The following SEC14L5 variants were observed in gnomAD, a reference collection of about 807,000 sequenced individuals.
SEC14L5 encodes SEC14 like lipid binding 5.
Under a neutral mutation model 84.6 loss-of-function variants are expected in SEC14L5, and 96 were observed. The ratio of observed to expected loss-of-function variants is 1.13; its 90% CI spans 0.96 to 1.34. SEC14L5 has a LOEUF of 1.34. Ranked by LOEUF, SEC14L5 falls within the 40% of genes most tolerant of loss-of-function variation. The pLI, the probability that SEC14L5 is intolerant of heterozygous loss-of-function variation, is 0.00. For synonymous variants in SEC14L5, 546 were observed against 383.4 expected (o/e 1.42, Z -4.95); for missense variants, 1,224 against 942.5 (o/e 1.30, Z -3.91).
intron 2 of SEC14L5, among the ~76,000 whole-genome samples, chr16:4,959,801 A>C (rs1024123326): frequency 1.3e-5 from 2 of 152,158 alleles, no homozygotes; most frequent in Non-Finnish European, 2.9e-5. Flanking sequence ...AATTCCCGAT[A>C]GCTGTTATTT....
At chr16:5,010,459 T>C (rs1358267728) in intron 14 of SEC14L5, among the ~76,000 whole-genome samples, 1 of 152,156 alleles carries the variant, frequency 6.6e-6, no homozygotes, top group Non-Finnish European at 1.5e-5. Context: ...TCCAGGAGGC[T>C]GGCATTGCAG....
chr16:5,010,738 C>T (rs986466558), intron 14 of SEC14L5, among the ~76,000 whole-genome samples: 1 of 152,206 alleles, frequency 6.6e-6, no homozygotes, highest in Admixed American at 6.5e-5. Context: ...CCTGTGAGCT[C>T]CCGGCCCAAA....
At chr16:4,990,542 T>G (rs1465857231) in intron 4 of SEC14L5, among the ~76,000 whole-genome samples, 1 of 152,262 alleles carries the variant, frequency 6.6e-6, no homozygotes, top group Non-Finnish European at 1.5e-5. Context: ...GAGACCCACA[T>G]TCTCCCGGCT....
intron 2 of SEC14L5, among the ~76,000 whole-genome samples, chr16:4,982,048 C>G (rs996713618): frequency 2.0e-5 from 3 of 152,150 alleles, no homozygotes; most frequent in African/African-American, 4.8e-5. Context: ...GGAACGAGGC[C>G]TCCCTATTCC....
chr16:5,007,015 C>T (rs1010530802), intron 12 of SEC14L5, among the ~76,000 whole-genome samples: 1 of 152,104 alleles, frequency 6.6e-6, no homozygotes, highest in African/African-American at 2.4e-5. Context: ...GCCCCCCAGC[C>T]TGGCTGTCAG....
chr16:5,001,486 C>T (rs959069597), intron 10 of SEC14L5, among the ~76,000 whole-genome samples: 1 of 152,142 alleles, frequency 6.6e-6, no homozygotes, highest in African/African-American at 2.4e-5. Context: ...GTCTCGGTCT[C>T]CTGACCTCGT....
intron 8 of SEC14L5, among the ~76,000 whole-genome samples, chr16:4,997,885 C>T (rs1955628746): frequency 6.6e-6 from 1 of 152,012 alleles, no homozygotes; most frequent in Non-Finnish European, 1.5e-5. Flanking sequence ...TTTCTGTGTC[C>T]TCGCCTCTTC....
intron 14 of SEC14L5, chr16:5,010,857 C>T: frequency 2.0e-6 from 1 of 496,360 alleles, no homozygotes. Context: ...CCCCCACCCC[C>T]AGGCGTCAGC....
Position 4,997,062 on chromosome 16 carries a change from C to T in SEC14L5, c.970+18C>T, listed in dbSNP as rs778950541. 2 of 1,583,264 alleles carry T rather than the reference C, an allele frequency of 1.3e-6. No homozygotes were observed. The highest frequency in any genetic ancestry group is 1.1e-5 in the South Asian group (1 of 87,412). ...GGACATAGGTGCGTGCCTCCACCCACATCATGTATAGGGCATACTTTGGTC... is the reference window on the plus strand; with the variant it reads ...GGACATAGGTGCGTGCCTCCACCCATATCATGTATAGGGCATACTTTGGTC... On this transcript the variant is annotated intron_variant, in intron 8 of 15. Coordinates refer to ENST00000251170, the MANE Select transcript of SEC14L5 (RefSeq NM_014692.2).
rs757707527 is a variant in SEC14L5 at position 4,996,968 on chromosome 16, T to C, written c.894T>C (p.Asp298=). 35 of 1,613,342 alleles carry C rather than the reference T, an allele frequency of 2.2e-5. No homozygotes were observed. Among genetic ancestry groups the C allele is most frequent in the Non-Finnish European group, 2.9e-5 (34 of 1,179,674 alleles). The change falls in exon 8 of 16, where the codon GAT becomes GAC. Residue 298 remains aspartate, a synonymous_variant. Coordinates refer to ENST00000251170, the MANE Select transcript of SEC14L5 (RefSeq NM_014692.2). ...SLSWRKQHQV[D]LLLQTWQPPA... The stretch of plus-strand genomic sequence containing the variant: ...GCTGGCGCAAGCAGCACCAGGTGGA[T>C]CTCCTCCTTCAGACCTGGCAACCCC...
At chr16:4,973,028 A>G (rs1287821165) in intron 2 of SEC14L5, among the ~76,000 whole-genome samples, 1 of 152,234 alleles carries the variant, frequency 6.6e-6, no homozygotes. Flanking sequence ...CAGGGATGTC[A>G]GGGGCTGGTG....
chr16:4,992,283 CT>C (rs1294302628), intron 6 of SEC14L5, among the ~76,000 whole-genome samples: 4 of 152,194 alleles, frequency 2.6e-5, no homozygotes, highest in Non-Finnish European at 4.4e-5. Context: ...CGGAGTCCCC[CT>C]ATGTCTCCCA....
chr16:4,985,947 T>C (rs970505749), intron 2 of SEC14L5, among the ~76,000 whole-genome samples: 7 of 152,200 alleles, frequency 4.6e-5, no homozygotes, highest in African/African-American at 1.7e-4. Flanking sequence ...TGTGGACTTA[T>C]GTTTTCATTT....
Position 5,007,640 on chromosome 16 carries a change from C to T in SEC14L5, c.1572+154C>T, listed in dbSNP as rs189888510. 4.2e-3 allele frequency among the ~76,000 whole-genome samples: 593 copies of T among 139,732 alleles called. 1 individual carries two copies. Among genetic ancestry groups the T allele is most frequent in the Middle Eastern group, 0.036 (9 of 250 alleles). The allele number at this position is 139,732 out of a possible 152,430, so 91.7% of individuals were successfully genotyped here. On this transcript the variant is annotated intron_variant, in intron 13 of 15. Transcript: ENST00000251170. Reference sequence around the variant, plus strand: ...TTTTTTTTTGGGATGGAGTCTCGCTCTGTTGCCCAGGCTGGAGTGCAGTGG... The same window carrying T: ...TTTTTTTTTGGGATGGAGTCTCGCTTTGTTGCCCAGGCTGGAGTGCAGTGG...
rs138119257 is a variant in SEC14L5 at position 4,959,837 on chromosome 16, G to A, written c.63+451G>A. ...TCCCATGTAACCTCCATGAAACTGA[G>A]GCTTTGACAGGTGAAGGGATGACAC... is the stretch of plus-strand genomic sequence containing the variant. On this transcript the variant is annotated intron_variant, in intron 2 of 15. Coordinates refer to ENST00000251170, the MANE Select transcript of SEC14L5 (RefSeq NM_014692.2). Among the ~76,000 whole-genome samples, 325 of 152,254 alleles carry A rather than the reference G, an allele frequency of 2.1e-3. 2 individuals carry two copies. The highest frequency in any genetic ancestry group is 3.1e-3 in the Non-Finnish European group (211 of 68,018).
intron 2 of SEC14L5, among the ~76,000 whole-genome samples, chr16:4,963,707 G>T (rs982323810): frequency 5.3e-5 from 8 of 152,036 alleles, no homozygotes; most frequent in African/African-American, 1.9e-4. Flanking sequence ...AGGTTGGAGT[G>T]CAGTGATGCA....
Position 5,003,516 on chromosome 16 carries a change from C to A in SEC14L5, c.1245C>A (p.Thr415=), listed in dbSNP as rs753178893. ...IEVVEDNYPE[T]LGRLLIVRAP... is the part of the protein sequence containing the mutation. The stretch of plus-strand genomic sequence containing the variant: ...TGGTTGAGGACAATTACCCAGAGAC[C>A]CTGGGTCGGCTGCTCATCGTGCGAG... The change falls in exon 11 of 16, where the codon ACC becomes ACA. Residue 415 remains threonine (T), a synonymous_variant. Coordinates refer to ENST00000251170, the MANE Select transcript of SEC14L5 (RefSeq NM_014692.2). 1 of 1,483,778 alleles carries A rather than the reference C, an allele frequency of 6.7e-7. No homozygotes were observed. The highest frequency in any genetic ancestry group is 9.1e-7 in the Non-Finnish European group (1 of 1,098,200). The allele number at this position is 1,483,778 out of a possible 1,614,324, so 91.9% of individuals were successfully genotyped here. A position where few individuals can be genotyped will look rare whatever the true frequency, so the allele number is the denominator to read the frequency against.
intron 2 of SEC14L5, among the ~76,000 whole-genome samples, chr16:4,969,443 G>A (rs1596614968): frequency 6.6e-6 from 1 of 151,628 alleles, no homozygotes; most frequent in African/African-American, 2.4e-5. Flanking sequence ...GGAATGCAAT[G>A]GTGCCATCTC....
rs1955870752 is a variant in SEC14L5 at position 5,015,930 on chromosome 16, A to T, written c.*960A>T. 6.6e-6 allele frequency: 1 copy of T among 152,244 alleles called. No individual in the cohort carries two copies. 9.4% of individuals were successfully genotyped at this position (152,244 alleles called of 1,614,324 possible). On this transcript the variant is annotated 3_prime_UTR_variant, in exon 16 of 16. Transcript: ENST00000251170. Reference sequence around the variant, plus strand: ...CTAAGTTCCAGGCAGTGATGGGGTGACTGAGGCTGTCTGTATACCCCACTG... The same window carrying T: ...CTAAGTTCCAGGCAGTGATGGGGTGTCTGAGGCTGTCTGTATACCCCACTG...
Sources: gnomAD v4.1 joint callset for allele counts (sites outside exome capture counted in the v4.1 genomes callset) on GRCh38, gnomAD v4.1.1 for gene constraint, MANE v1.5 for transcripts, NCBI Gene and HGNC (gene_info 2026-07-23, HGNC 2026-07-21) for gene names.